Variants in TBC1D14 observed in about 807,000 individuals in gnomAD.
The protein encoded by TBC1D14 is TBC1 domain family member 14, also known as TBC1 domain family, member 14.
Under a neutral mutation model 79.0 loss-of-function variants are expected in TBC1D14, and 26 were observed. The observed-to-expected ratio is 0.33, with a 90% CI of 0.24 to 0.46. The LOEUF (loss-of-function observed/expected upper bound fraction) is 0.46. Among genes scored for constraint, TBC1D14 ranks in the 20% least tolerant of loss-of-function variants. The pLI is 1.00. For synonymous variants in TBC1D14, 394 were observed against 349.9 expected (o/e 1.13, Z -1.40); for missense variants, 769 against 887.6 (o/e 0.87, Z 1.70).
chr4:7,023,057 C>T (rs1244371057), intron 12 of TBC1D14, among the ~76,000 whole-genome samples: 1 of 152,028 alleles, frequency 6.6e-6, no homozygotes, highest in East Asian at 1.9e-4. Flanking sequence ...AGTTCAAGAC[C>T]AGCCGGGCCA....
intron 11 of TBC1D14, 36 bp from the exon 12 acceptor site, chr4:7,014,412 G>C (rs1481073284): frequency 7.0e-7 from 1 of 1,426,518 alleles, no homozygotes; most frequent in Non-Finnish European, 9.8e-7. Context: ...AACTTGTGCA[G>C]ATAGTTTCTG....
intron 2 of TBC1D14, among the ~76,000 whole-genome samples, chr4:6,927,049 G>C (rs1489157281): frequency 3.3e-5 from 5 of 152,226 alleles, no homozygotes; most frequent in African/African-American, 1.2e-4. Flanking sequence ...GGATGACCTT[G>C]GCTGCTTGAT....
chr4:6,958,091 C>T (rs939439821), intron 2 of TBC1D14, among the ~76,000 whole-genome samples: 1 of 152,138 alleles, frequency 6.6e-6, no homozygotes, highest in African/African-American at 2.4e-5. Context: ...AGGTTCTCAG[C>T]TCCCCAGGGA....
chr4:6,959,241 G>T (rs867819571), intron 2 of TBC1D14, among the ~76,000 whole-genome samples: 1 of 152,208 alleles, frequency 6.6e-6, no homozygotes, highest in Non-Finnish European at 1.5e-5. Flanking sequence ...CCTTGGAGAC[G>T]ATAGGTGCTC....
intron 2 of TBC1D14, among the ~76,000 whole-genome samples, chr4:6,937,304 C>T (rs921959917): frequency 6.6e-6 from 1 of 152,284 alleles, no homozygotes; most frequent in African/African-American, 2.4e-5. Context: ...GGTTGGGAGG[C>T]GTAAGATCAA....
intron 12 of TBC1D14, among the ~76,000 whole-genome samples, chr4:7,023,073 G>A (rs536137451): frequency 6.6e-6 from 1 of 152,212 alleles, no homozygotes; most frequent in African/African-American, 2.4e-5. Flanking sequence ...GGCCAAGATG[G>A]TGAAACCCCA....
chr4:6,996,171 A>G (rs1035061502), intron 4 of TBC1D14, among the ~76,000 whole-genome samples, 154 bp from the exon 5 acceptor site: 6 of 152,264 alleles, frequency 3.9e-5, no homozygotes, highest in Admixed American at 2.6e-4. Flanking sequence ...GTAAGAAAGC[A>G]TTATAAAAGT....
chr4:7,007,543 T>C, intron 9 of TBC1D14: 2 of 1,289,406 alleles, frequency 1.6e-6, no homozygotes, highest in Non-Finnish European at 2.0e-6. Context: ...TTTGTGGATT[T>C]CCGTGTGGGT....
At chr4:6,921,486 C>T (rs1723854593) in intron 1 of TBC1D14, among the ~76,000 whole-genome samples, 1 of 152,102 alleles carries the variant, frequency 6.6e-6, no homozygotes, top group African/African-American at 2.4e-5. Flanking sequence ...GGATCACAGG[C>T]ATGAGCCACC....
chr4:7,006,541 C>A lies in TBC1D14; in HGVS notation c.1352-91C>A. 11 of 1,191,132 alleles carry A rather than the reference C, an allele frequency of 9.2e-6. No individual in the cohort carries two copies. The South Asian group carries it at 1.5e-4, about 16-fold the overall frequency. The allele number at this position is 1,191,132 out of a possible 1,614,324, so 73.8% of individuals were successfully genotyped here. Reference sequence around the variant, plus strand: ...AGTGTGCTTCTGAAAAACTTTTTTCCGTGTTTTGTTCTTGTAAAACTTCAA... The same window carrying A: ...AGTGTGCTTCTGAAAAACTTTTTTCAGTGTTTTGTTCTTGTAAAACTTCAA... On this transcript the variant is annotated intron_variant, in intron 8 of 13. Coordinates refer to ENST00000409757, the MANE Select transcript of TBC1D14 (RefSeq NM_020773.3).
intron 3 of TBC1D14, among the ~76,000 whole-genome samples, chr4:6,976,415 T>C (rs1716715879): frequency 6.6e-6 from 1 of 151,980 alleles, no homozygotes; most frequent in Non-Finnish European, 1.5e-5. Flanking sequence ...GACAAAAAAA[T>C]CATATAAGCA....
chr4:6,971,244 C>G (rs2109061374), intron 3 of TBC1D14, among the ~76,000 whole-genome samples: 2 of 152,362 alleles, frequency 1.3e-5, no homozygotes, highest in South Asian at 4.1e-4. Context: ...ATGACATCTA[C>G]TTGCTTAATT....
intron 2 of TBC1D14, among the ~76,000 whole-genome samples, chr4:6,932,405 C>T (rs1258121418): frequency 6.7e-6 from 1 of 149,604 alleles, no homozygotes; most frequent in East Asian, 1.9e-4. Flanking sequence ...TTGAAGATGT[C>T]AGTGACAAAG....
chr4:7,022,537 T>C (rs896976085), intron 12 of TBC1D14, among the ~76,000 whole-genome samples: 3 of 152,016 alleles, frequency 2.0e-5, no homozygotes, highest in African/African-American at 7.2e-5. Context: ...ACACACAGCA[T>C]GTGGGAAGAG....
At position 6,936,255 on chromosome 4, in the gene TBC1D14, G is replaced by T. The variant is rs750659646; in HGVS notation, c.722+12144G>T. On this transcript the variant is annotated intron_variant, in intron 2 of 13. Coordinates refer to ENST00000409757, the MANE Select transcript of TBC1D14 (RefSeq NM_020773.3). ...TGTATAATGACATGTATCTGCCGTG[G>T]CCGTATCACACTGAGGAGTTTCACT... 1.7e-4 allele frequency among the ~76,000 whole-genome samples: 26 copies of T among 152,184 alleles called. 1 individual carries two copies. Among genetic ancestry groups the T allele is most frequent in the Admixed American group, 6.5e-5 (1 of 15,272 alleles).
intron 2 of TBC1D14, among the ~76,000 whole-genome samples, chr4:6,938,433 G>C (rs951094593): frequency 4.6e-5 from 7 of 152,252 alleles, no homozygotes; most frequent in East Asian, 3.9e-4. Flanking sequence ...GTGGTCACAC[G>C]AGCGTGAGGC....
intron 2 of TBC1D14, among the ~76,000 whole-genome samples, chr4:6,939,416 C>T (rs962936433): frequency 1.3e-5 from 2 of 151,546 alleles, no homozygotes; most frequent in Non-Finnish European, 2.9e-5. Flanking sequence ...CCGACCAGGT[C>T]CCCCCCAGAA....
At chr4:6,954,296 T>G (rs747085543) in intron 2 of TBC1D14, 16 of 717,380 alleles carry the variant, frequency 2.2e-5, no homozygotes, top group South Asian at 2.2e-4. Flanking sequence ...GAGGTCACAG[T>G]AGACATGATG....
chr4:7,010,682 G>A lies in TBC1D14; in HGVS notation c.1548G>A (p.Val516=). Residue 516 remains valine (V), a synonymous_variant, in exon 11 of 14, where the codon GTG becomes GTA. Transcript: ENST00000409757. ...AGGGCATGTCCTTCATAGCAGCAGT[G>A]TTGATCTTGAACTTAGATACTGCAG... ...YVQGMSFIAA[V]LILNLDTADA... 6.2e-7 allele frequency: 1 copy of A among 1,614,092 alleles called. No homozygotes were observed. The highest frequency in any genetic ancestry group is 8.5e-7 in the Non-Finnish European group (1 of 1,180,016).
Sources: gnomAD v4.1 joint callset for allele counts (sites outside exome capture counted in the v4.1 genomes callset) on GRCh38, gnomAD v4.1.1 for gene constraint, MANE v1.5 for transcripts, NCBI Gene and HGNC (gene_info 2026-07-23, HGNC 2026-07-21) for gene names.